Variants in RGL1 observed in about 807,000 individuals in gnomAD.
The protein encoded by RGL1 is ral guanine nucleotide dissociation stimulator-like 1.
RGL1 carries 24 observed loss-of-function variants against 95.2 expected under a neutral mutation model. The ratio of observed to expected loss-of-function variants is 0.25; its 90% confidence interval spans 0.18 to 0.35. The LOEUF (loss-of-function observed/expected upper bound fraction) is 0.35, where lower values mean the gene tolerates loss of function less well. Among genes scored for constraint, RGL1 ranks in the 10% least tolerant of loss-of-function variants. RGL1 has a pLI of 1.00. For synonymous variants in RGL1, 329 were observed against 344.9 expected (o/e 0.95, Z 0.51); for missense variants, 715 against 936.3 (o/e 0.76, Z 3.08).
At chr1:183,780,852 G>T (rs890169135) in intron 2 of RGL1, among the ~76,000 whole-genome samples, 6 of 152,226 alleles carry the variant, frequency 3.9e-5, no homozygotes, top group African/African-American at 1.4e-4. Flanking sequence ...AAGAGTAAAA[G>T]ACATTTTTCC....
At chr1:183,704,874 T>A (rs182468204) in intron 1 of RGL1, among the ~76,000 whole-genome samples, 7 of 152,324 alleles carry the variant, frequency 4.6e-5, no homozygotes, top group African/African-American at 1.7e-4. Context: ...CTGCCGCCAA[T>A]GCTTGGAGGC....
At chr1:183,782,790 T>C (rs1385510844) in intron 2 of RGL1, among the ~76,000 whole-genome samples, 1 of 152,190 alleles carries the variant, frequency 6.6e-6, no homozygotes. Context: ...GAGTGCAAAG[T>C]AATGATGCAC....
At chr1:183,900,567 C>T (rs1386325083) in intron 11 of RGL1, among the ~76,000 whole-genome samples, 4 of 152,126 alleles carry the variant, frequency 2.6e-5, no homozygotes, top group Non-Finnish European at 4.4e-5. Context: ...TGCAATGGCA[C>T]GATCTTGGCT....
At chr1:183,708,255 C>T (rs572145549) in intron 1 of RGL1, among the ~76,000 whole-genome samples, 12 of 151,918 alleles carry the variant, frequency 7.9e-5, no homozygotes, top group Non-Finnish European at 1.5e-4. Flanking sequence ...AGGGTAGGCT[C>T]GGGAGAACAG....
chr1:183,748,353 TAGTCTTCTACG>T lies in RGL1; in HGVS notation c.132+6067_132+6077del, dbSNP rs1322888080. 2.0e-5 allele frequency among the ~76,000 whole-genome samples: 3 copies of T among 151,384 alleles called. No individual in the cohort carries two copies. In the East Asian group the frequency reaches 5.8e-4, roughly 29 times the overall value. ...ATCTTAGTTATTTCTTGTCTTCTAC[TAGTCTTCTACG>T]AGCTTTTGAATTTGTTTGCTTCTCT... On this transcript the variant is annotated intron_variant, in intron 2 of 18. Coordinates refer to the RGL1 transcript ENST00000304685.
chr1:183,636,402 T>A, exon 1 of RGL1: 1 of 384,170 alleles, frequency 2.6e-6, no homozygotes, highest in Non-Finnish European at 4.6e-6. Context: ...CTACCCTTCT[T>A]GGCCAGCGGG....
intron 2 of RGL1, among the ~76,000 whole-genome samples, chr1:183,778,891 G>A (rs972601566): frequency 1.3e-5 from 2 of 152,186 alleles, no homozygotes; most frequent in Non-Finnish European, 2.9e-5. Context: ...GAAGACAAAT[G>A]GGCCGTGATA....
intron 1 of RGL1, among the ~76,000 whole-genome samples, chr1:183,706,339 A>G (rs934714835): frequency 6.6e-6 from 1 of 152,158 alleles, no homozygotes; most frequent in African/African-American, 2.4e-5. Flanking sequence ...CTGAAAAATT[A>G]GGTAAAGCAG....
Position 183,805,188 on chromosome 1 carries a change from C to T in RGL1, c.-110C>T, listed in dbSNP as rs946106720. 1.9e-5 allele frequency: 27 copies of T among 1,438,836 alleles called. 1 individual carries two copies. In the African/African-American group the frequency reaches 3.9e-4, roughly 21 times the overall value. The allele number at this position is 1,438,836 out of a possible 1,614,324, so 89.1% of individuals were successfully genotyped here. A position where few individuals can be genotyped will look rare whatever the true frequency, so the allele number is the denominator to read the frequency against. On this transcript the variant is annotated 5_prime_UTR_variant, in exon 1 of 18. Coordinates refer to ENST00000360851, the MANE Select transcript of RGL1 (RefSeq NM_001297671.3). ...CGCGTGTCTGTGCGCTGCGGTCGCTCGGGACCGGGACCGGGGCGAGGCGCC... is the reference window on the plus strand; with the variant it reads ...CGCGTGTCTGTGCGCTGCGGTCGCTTGGGACCGGGACCGGGGCGAGGCGCC...
chr1:183,888,967 A>G (rs948289701), intron 8 of RGL1, among the ~76,000 whole-genome samples: 7 of 152,190 alleles, frequency 4.6e-5, no homozygotes, highest in Admixed American at 2.6e-4. Flanking sequence ...CAGATAGGAC[A>G]TTAGTTCTTG....
chr1:183,701,117 T>C (rs901340620), intron 1 of RGL1, among the ~76,000 whole-genome samples: 1 of 152,178 alleles, frequency 6.6e-6, no homozygotes, highest in African/African-American at 2.4e-5. Context: ...GATTAAAGAA[T>C]CTTTTGCAAC....
intron 17 of RGL1, among the ~76,000 whole-genome samples, chr1:183,925,540 T>C (rs1374881402): frequency 7.2e-6 from 1 of 139,080 alleles, no homozygotes; most frequent in Non-Finnish European, 1.6e-5. Context: ...AAACTTAAAG[T>C]AAAATTTTTT....
At chr1:183,657,170 A>G (rs1366612227) in intron 1 of RGL1, among the ~76,000 whole-genome samples, 1 of 152,196 alleles carries the variant, frequency 6.6e-6, no homozygotes, top group African/African-American at 2.4e-5. Flanking sequence ...ACATTTTAAC[A>G]ATATTAATTC....
Position 183,792,169 on chromosome 1 carries a change from GT to G in RGL1, c.133-14196del, listed in dbSNP as rs140925379. Among the ~76,000 whole-genome samples the G allele has an allele frequency of 6.9e-4, 102 of 147,966 alleles. 1 individual carries two copies. The highest frequency in any genetic ancestry group is 1.8e-3 in the African/African-American group (74 of 40,844). ...TCTTAAAACCTTGCAGTTTTGTGGGGTTTTTTTTTTGTTTGTTTTGCTTTAC... is the reference window on the plus strand; with the variant it reads ...TCTTAAAACCTTGCAGTTTTGTGGGGTTTTTTTTTGTTTGTTTTGCTTTAC... On this transcript the variant is annotated intron_variant, in intron 2 of 18. Transcript: ENST00000304685.
At chr1:183,860,763 C>G (rs1223977931) in intron 3 of RGL1, among the ~76,000 whole-genome samples, 1 of 152,194 alleles carries the variant, frequency 6.6e-6, no homozygotes, top group Non-Finnish European at 1.5e-5. Context: ...TGTTGTCTGT[C>G]TCCTCCGCAC....
intron 1 of RGL1, among the ~76,000 whole-genome samples, chr1:183,653,789 G>A (rs1650943644): frequency 6.6e-6 from 1 of 152,184 alleles, no homozygotes; most frequent in African/African-American, 2.4e-5. Context: ...GTTCCCTCCA[G>A]TTTAAGACAA....
At chr1:183,743,362 G>A (rs553142871) in intron 2 of RGL1, among the ~76,000 whole-genome samples, 15 of 96,988 alleles carry the variant, frequency 1.5e-4, no homozygotes, top group Non-Finnish European at 1.7e-4. Flanking sequence ...TCAGAGAGAG[G>A]TAGCAAAGCA....
chr1:183,777,913 C>G (rs1659682599), intron 2 of RGL1, among the ~76,000 whole-genome samples: 1 of 152,134 alleles, frequency 6.6e-6, no homozygotes, highest in Admixed American at 6.5e-5. Flanking sequence ...TTCCTTTCTC[C>G]CCAACCCTAT....
intron 2 of RGL1, among the ~76,000 whole-genome samples, chr1:183,835,118 A>G (rs781281571): frequency 6.6e-6 from 1 of 152,210 alleles, no homozygotes; most frequent in African/African-American, 2.4e-5. Flanking sequence ...AATTTTGATC[A>G]TTAATATCTA....
Sources: allele counts gnomAD v4.1 joint callset (sites outside exome capture counted in the v4.1 genomes callset), GRCh38; gene constraint gnomAD v4.1.1; transcripts MANE v1.5; gene names NCBI Gene and HGNC (gene_info 2026-07-23, HGNC 2026-07-21).